Variants in TECTA observed in about 807,000 individuals in gnomAD.
The protein encoded by TECTA is tectorin alpha.
TECTA carries 128 observed loss-of-function variants against 216.8 expected under a neutral mutation model. The ratio of observed to expected loss-of-function variants is 0.59; its 90% CI spans 0.51 to 0.68. TECTA has a LOEUF of 0.68. TECTA is among the 30% of genes least tolerant of loss of function. The pLI, the probability that TECTA is intolerant of heterozygous loss-of-function variation, is 0.00. For missense variants in TECTA, 2,551 were observed against 2,786.2 expected, an observed-to-expected ratio of 0.92 and a Z score of 1.90; for synonymous variants, 1,089 against 1,117.1, an observed-to-expected ratio of 0.97 and a Z score of 0.50.
In TECTA at chr11:121,158,099, G is replaced by A. The variant is rs1034814653; in HGVS notation, c.4564G>A (p.Asp1522Asn). Residue 1522 changes from aspartate (D) to asparagine (N), a missense_variant, in exon 14 of 24, where the codon GAC becomes AAC. Asp to Asn is a conservative substitution (Grantham distance 23). Around this residue, in one of 3 missense-constraint regions of TECTA, gnomAD observed 2,375 missense variants for 2,563.9 expected, o/e 0.93. Transcript: ENST00000392793. ...GTCCACCATCTGCCAGAAACTGCCC[G>A]ACATCTCCTTCCAGCTTATCATCAA... ...VLSTICQKLP[D>N]ISFQLIINFD... 1.2e-6 allele frequency: 2 copies of A among 1,614,130 alleles called. No homozygotes were observed. The highest frequency in any genetic ancestry group is 2.2e-5 in the East Asian group (1 of 44,888).
In TECTA at chr11:121,157,389, G is replaced by A. The variant is rs547806544; in HGVS notation, c.4306-452G>A. ...GGAGGCTGAGGCAGGAGGATCACTC[G>A]AGCCTAGCAGTTCAAGAACATAGTG... On this transcript the variant is annotated intron_variant, in intron 13 of 23. Transcript: ENST00000392793. 3.3e-5 allele frequency among the ~76,000 whole-genome samples: 5 copies of A among 152,120 alleles called. No individual in the cohort carries two copies. The South Asian group carries it at 1.0e-3, about 32-fold the overall frequency.
At chr11:121,165,890 C>T (rs1270194279) in intron 17 of TECTA, among the ~76,000 whole-genome samples, 1 of 152,168 alleles carries the variant, frequency 6.6e-6, no homozygotes, top group African/African-American at 2.4e-5. Context: ...CTGCTTGAGG[C>T]AGAACTGCTT....
In TECTA at chr11:121,160,336, G is replaced by A; in HGVS notation, c.4891G>A (p.Asp1631Asn). The A allele has an allele frequency of 6.2e-7, 1 of 1,614,166 alleles. No homozygotes were observed. The highest frequency in any genetic ancestry group is 1.3e-5 in the African/African-American group (1 of 75,068). The change falls in exon 15 of 24, where the codon GAT becomes AAT. Residue 1631 changes from aspartate (D) to asparagine (N), a missense_variant. By Grantham distance (23) the Asp-to-Asn change is conservative. Around this residue, in one of 3 missense-constraint regions of TECTA, gnomAD observed 2,375 missense variants for 2,563.9 expected, o/e 0.93. Transcript: ENST00000392793. ...TGGCAACTTCAACGGGGACCTAACAGATGATTATGTGACCTTGCGAGGGAA... is the reference window on the plus strand; with the variant it reads ...TGGCAACTTCAACGGGGACCTAACAAATGATTATGTGACCTTGCGAGGGAA... ...LCGNFNGDLT[D>N]DYVTLRGKPV...
Position 121,153,043 on chromosome 11 carries a change from A to G in TECTA, c.4268A>G (p.His1423Arg), listed in dbSNP as rs1433183462. The change falls in exon 13 of 24, where the codon CAC (histidine) becomes CGC (arginine). Residue 1423 changes from histidine to arginine, a missense_variant. Around this residue, in one of 3 missense-constraint regions of TECTA, gnomAD observed 2,375 missense variants for 2,563.9 expected, o/e 0.93. Coordinates refer to ENST00000392793, the MANE Select transcript of TECTA (RefSeq NM_005422.4). ...AACGGCAAGAGCTGCATCCTGCCCC[A>G]CAGCTGCGGCTGCTACTCCGATGGC... ...VLNGKSCILP[H>R]SCGCYSDGKY... 6.2e-7 allele frequency: 1 copy of G among 1,614,118 alleles called. No homozygotes were observed.
At chr11:121,116,577 ATT>A (rs1432128471) in intron 6 of TECTA, among the ~76,000 whole-genome samples, 3 of 152,206 alleles carry the variant, frequency 2.0e-5, no homozygotes, top group African/African-American at 7.2e-5. Context: ...ATACGGGATG[ATT>A]TCAATATCCT....
chr11:121,137,425 G>T lies in TECTA; in HGVS notation c.2946G>T (p.Leu982=), dbSNP rs983151610. The change falls in exon 11 of 24, where the codon CTG becomes CTT. Residue 982 remains leucine, a synonymous_variant. Transcript: ENST00000392793. The part of the protein sequence containing the change: ...GPWRTYDFCP[L]ECPENSHFEE... ...CTTCTCCTTGACCACCTGCAGCACT[G>T]GAGTGCCCAGAGAACAGCCACTTTG... 1 of 1,613,816 alleles carries T rather than the reference G, an allele frequency of 6.2e-7. No individual in the cohort carries two copies.
intron 9 of TECTA, 65 bp from the exon 10 acceptor site, chr11:121,129,573 C>T: frequency 6.4e-7 from 1 of 1,551,960 alleles, no homozygotes; most frequent in Non-Finnish European, 8.9e-7. Context: ...CTTTATCCCA[C>T]AGCCTAGGAA....
intron 4 of TECTA, chr11:121,110,187 A>C (rs1946429665): frequency 6.5e-6 from 1 of 153,678 alleles, no homozygotes. Flanking sequence ...TTCTACATAA[A>C]GGGACAGAAT....
chr11:121,164,561 T>C (rs543463248), intron 16 of TECTA, among the ~76,000 whole-genome samples: 101 of 152,322 alleles, frequency 6.6e-4, no homozygotes, highest in Admixed American at 1.7e-3. Context: ...TTGTTCATAA[T>C]AACATCGTGA....
intron 11 of TECTA, among the ~76,000 whole-genome samples, chr11:121,141,289 G>C (rs1039011763): frequency 1.3e-5 from 2 of 152,334 alleles, no homozygotes; most frequent in Middle Eastern, 3.4e-3. Context: ...CAGGATGACA[G>C]TGTGAAATGA....
chr11:121,130,216 G>T lies in TECTA; in HGVS notation c.2941+5G>T. 6.3e-7 allele frequency: 1 copy of T among 1,599,832 alleles called. No individual in the cohort carries two copies. The highest frequency in any genetic ancestry group is 8.5e-7 in the Non-Finnish European group (1 of 1,179,888). ...GGCGGACCTATGACTTCTGCCGTAA[G>T]TTGGGGTTGGATTCTGGGAGAGGCT... On this transcript the variant is annotated splice_donor_5th_base_variant and intron_variant, in intron 10 of 23. Coordinates refer to ENST00000392793, the MANE Select transcript of TECTA (RefSeq NM_005422.4).
At chr11:121,124,469 T>G (rs1178653707) in intron 7 of TECTA, among the ~76,000 whole-genome samples, 1 of 152,238 alleles carries the variant, frequency 6.6e-6, no homozygotes, top group Non-Finnish European at 1.5e-5. Flanking sequence ...TCTGTTTATC[T>G]TTAAAGACCC....
intron 1 of TECTA, among the ~76,000 whole-genome samples, chr11:121,101,954 TCTTTAATTAA>T (rs1946350529): frequency 6.6e-6 from 1 of 152,238 alleles, no homozygotes; most frequent in Admixed American, 6.5e-5. Context: ...CTGTGTTCCT[TCTTTAATTAA>T]CTTGCTGGAA....
At chr11:121,176,039 G>C (rs1306550372) in intron 20 of TECTA, among the ~76,000 whole-genome samples, 1 of 151,258 alleles carries the variant, frequency 6.6e-6, no homozygotes, top group Non-Finnish European at 1.5e-5. Context: ...CCATTTGCTT[G>C]GTAGATCTTC....
intron 22 of TECTA, 111 bp from the exon 23 acceptor site, chr11:121,189,652 GC>G: frequency 9.8e-7 from 1 of 1,018,116 alleles, no homozygotes; most frequent in Non-Finnish European, 1.5e-6. Flanking sequence ...GGGATTACAG[GC>G]GTGAGCCACC....
At chr11:121,125,929 G>C in intron 8 of TECTA, 57 bp downstream of exon 8, 1 of 1,567,146 alleles carries the variant, frequency 6.4e-7, no homozygotes, top group Non-Finnish European at 8.6e-7. Flanking sequence ...GCAGGGATAG[G>C]CTTTGGGGGC....
At chr11:121,165,676 G>T (rs1565535361) in intron 17 of TECTA, among the ~76,000 whole-genome samples, 1 of 152,170 alleles carries the variant, frequency 6.6e-6, no homozygotes, top group Non-Finnish European at 1.5e-5. Context: ...AGGAAATAGG[G>T]TATTTTGATG....
chr11:121,167,455 A>AC (rs1051621317), intron 18 of TECTA, among the ~76,000 whole-genome samples: 13 of 152,174 alleles, frequency 8.5e-5, no homozygotes, highest in African/African-American at 2.2e-4. Flanking sequence ...ACAAAACAAA[A>AC]AAACAGCTGG....
intron 12 of TECTA, chr11:121,146,338 G>T (rs1235882919): frequency 3.3e-6 from 2 of 598,286 alleles, no homozygotes; most frequent in Non-Finnish European, 5.9e-6. Flanking sequence ...TATTTCATGG[G>T]TTACCCTGAG....
Sources: gnomAD v4.1 joint callset for allele counts (sites outside exome capture counted in the v4.1 genomes callset) on GRCh38, gnomAD v4.1.1 for gene constraint, gnomAD v4.1.1 regional missense constraint, MANE v1.5 for transcripts, NCBI Gene and HGNC (gene_info 2026-07-23, HGNC 2026-07-21) for gene names.